TOGARAM2: variants seen among roughly 807,000 people sequenced by gnomAD.
The protein encoded by TOGARAM2 is TOG array regulator of axonemal microtubules protein 2.
In TOGARAM2, 85 loss-of-function variants were observed where a neutral mutation model predicts 93.3. The ratio of observed to expected loss-of-function variants is 0.91; its 90% CI spans 0.76 to 1.09. TOGARAM2 has a LOEUF of 1.09. Ranked by LOEUF, TOGARAM2 falls within the 50% of genes least tolerant of loss-of-function variation. The probability of loss-of-function intolerance (pLI) is 0.00; values close to 1 mark genes in which losing one functional copy is unlikely to be tolerated. For missense variants in TOGARAM2, 1,277 were observed against 1,334.5 expected (o/e 0.96, Z 0.67); for synonymous variants, 593 against 552.8 (o/e 1.07, Z -1.02).
At position 28,994,819 on chromosome 2, in the gene TOGARAM2, C is replaced by T. The variant is rs1672912459; in HGVS notation, c.-16C>T. 5 of 1,552,104 alleles carry T rather than the reference C, an allele frequency of 3.2e-6. No homozygotes were observed. Among genetic ancestry groups the T allele is most frequent in the Non-Finnish European group, 4.4e-6 (5 of 1,147,216 alleles). The stretch of plus-strand genomic sequence containing the variant: ...TGCCTCTGGGCAACCTTGTAGGCAC[C>T]TTCTCCACCCAGGACATGGGCACCC... On this transcript the variant is annotated 5_prime_UTR_variant, in exon 2 of 20. Coordinates refer to ENST00000379558, the MANE Select transcript of TOGARAM2 (RefSeq NM_199280.4).
intron 6 of TOGARAM2, among the ~76,000 whole-genome samples, chr2:29,009,947 A>G (rs1664124106): frequency 6.6e-6 from 1 of 151,642 alleles, no homozygotes; most frequent in African/African-American, 2.4e-5. Context: ...AGAGAAGGGG[A>G]GGGCAAGAGG....
chr2:28,990,996 GTGT>G (rs2148258579), intron 1 of TOGARAM2, among the ~76,000 whole-genome samples: 1 of 27,162 alleles, frequency 3.7e-5, no homozygotes, highest in Admixed American at 3.5e-4. Flanking sequence ...TGAAGGGTGT[GTGT>G]GTGTGTGTGT....
rs544444621 is a variant in TOGARAM2, at chr2:28,997,810, A to G, written c.29-333A>G. ...TTGGGGATGGGCACTCCATCGGTCA[A>G]TGATGTTGGGTGATGGAAGAGGGGT... On this transcript the variant is annotated intron_variant, in intron 2 of 19. Coordinates refer to ENST00000379558, the MANE Select transcript of TOGARAM2 (RefSeq NM_199280.4). 7.4e-4 allele frequency among the ~76,000 whole-genome samples: 112 copies of G among 152,246 alleles called. 1 individual carries two copies. Among genetic ancestry groups the G allele is most frequent in the African/African-American group, 2.2e-3 (90 of 41,534 alleles).
At chr2:28,983,347 T>C (rs934708333) in intron 1 of TOGARAM2, among the ~76,000 whole-genome samples, 1 of 151,586 alleles carries the variant, frequency 6.6e-6, no homozygotes, top group Non-Finnish European at 1.5e-5. Flanking sequence ...GCTGGGCCTA[T>C]GTATGCATTT....
intron 5 of TOGARAM2, 57 bp from the exon 6 acceptor site, chr2:29,003,435 A>G (rs1169167554): frequency 7.4e-7 from 1 of 1,359,568 alleles, no homozygotes; most frequent in African/African-American, 1.5e-5. Context: ...CCTGGAGGTG[A>G]GCATTCACCA....
chr2:28,963,205 T>C (rs1671822561), intron 1 of TOGARAM2, among the ~76,000 whole-genome samples: 1 of 152,204 alleles, frequency 6.6e-6, no homozygotes, highest in East Asian at 1.9e-4. Flanking sequence ...TCCTGGATTA[T>C]TTAAAAGTGT....
chr2:29,007,918 A>G (rs550423215), intron 6 of TOGARAM2, among the ~76,000 whole-genome samples: 1 of 151,604 alleles, frequency 6.6e-6, no homozygotes, highest in Admixed American at 6.6e-5. Flanking sequence ...TGCAACCCCA[A>G]CAGCCTCTCA....
Position 29,011,501 on chromosome 2 carries a change from GGTAC to G in TOGARAM2, c.877+4_877+7del. 2 of 1,604,490 alleles carry G rather than the reference GGTAC, an allele frequency of 1.2e-6. No homozygotes were observed. The highest frequency in any genetic ancestry group is 1.7e-6 in the Non-Finnish European group (2 of 1,176,606). The stretch of plus-strand genomic sequence containing the variant: ...TCGGGAGAAGACCCCTGCATCTCTG[GGTAC>G]GTATCTTCCATGCACACCTCCCTTT... On this transcript the variant is annotated splice_donor_variant and splice_donor_region_variant and intron_variant, in intron 7 of 19. Coordinates refer to ENST00000379558, the MANE Select transcript of TOGARAM2 (RefSeq NM_199280.4). LOFTEE classifies it high-confidence loss of function.
chr2:28,998,139 C>A lies in TOGARAM2; in HGVS notation c.29-4C>A, dbSNP rs1253543536. The A allele has an allele frequency of 1.3e-6, 2 of 1,595,584 alleles. No homozygotes were observed. Among genetic ancestry groups the A allele is most frequent in the Non-Finnish European group, 1.7e-6 (2 of 1,170,688 alleles). On this transcript the variant is annotated splice_polypyrimidine_tract_variant and splice_region_variant and intron_variant, in intron 2 of 19. Transcript: ENST00000379558. ...GTGCTGCTCTCCTGTGCTTCTGTCT[C>A]CAGCCAAGGTCCTGGTCCCCGTGGC...
chr2:28,984,362 G>C (rs1000794704), intron 1 of TOGARAM2, among the ~76,000 whole-genome samples: 1 of 152,182 alleles, frequency 6.6e-6, no homozygotes, highest in African/African-American at 2.4e-5. Context: ...TTTCTCATGG[G>C]CCATTGGGAA....
chr2:28,961,287 A>C (rs1671801721), intron 1 of TOGARAM2, among the ~76,000 whole-genome samples: 1 of 152,142 alleles, frequency 6.6e-6, no homozygotes, highest in Admixed American at 6.6e-5. Flanking sequence ...CCATCAGAGC[A>C]GTAGACAAAG....
intron 6 of TOGARAM2, among the ~76,000 whole-genome samples, chr2:29,010,832 G>A (rs1359246785): frequency 6.6e-6 from 1 of 152,168 alleles, no homozygotes; most frequent in Non-Finnish European, 1.5e-5. Flanking sequence ...AGTAAATGGT[G>A]CTTCCAACTT....
intron 1 of TOGARAM2, among the ~76,000 whole-genome samples, chr2:28,993,896 CA>C (rs1452620775): frequency 6.6e-6 from 1 of 152,210 alleles, no homozygotes. Context: ...GCCCTGTCCC[CA>C]GACGCTTTGT....
At chr2:29,017,687 TG>T in intron 9 of TOGARAM2, 104 bp from the exon 10 acceptor site, 2 of 1,157,042 alleles carry the variant, frequency 1.7e-6, no homozygotes, top group Non-Finnish European at 2.4e-6. Flanking sequence ...TTGGGGGTAC[TG>T]GCATGAGCTA....
At chr2:29,036,077 G>C (rs559081221) in intron 17 of TOGARAM2, among the ~76,000 whole-genome samples, 8 of 152,216 alleles carry the variant, frequency 5.3e-5, no homozygotes, top group African/African-American at 1.9e-4. Flanking sequence ...CCTGCTTCTT[G>C]GTGGACTGAG....
At chr2:28,971,818 G>A (rs566801058) in intron 1 of TOGARAM2, among the ~76,000 whole-genome samples, 8 of 152,240 alleles carry the variant, frequency 5.3e-5, no homozygotes, top group African/African-American at 1.4e-4. Context: ...TATTTGAATC[G>A]AATGATAAAT....
chr2:28,984,249 A>G (rs1672363443), intron 1 of TOGARAM2, among the ~76,000 whole-genome samples: 1 of 152,064 alleles, frequency 6.6e-6, no homozygotes, highest in Non-Finnish European at 1.5e-5. Flanking sequence ...GACAGAAAAA[A>G]AAATGTCCCT....
chr2:29,017,703 G>T, intron 9 of TOGARAM2, 89 bp from the exon 10 acceptor site: 1 of 1,313,484 alleles, frequency 7.6e-7, no homozygotes, highest in Non-Finnish European at 1.0e-6. Flanking sequence ...GAGCTACTTT[G>T]GCCAGCCATG....
chr2:28,975,732 C>G (rs1376621676), intron 1 of TOGARAM2, among the ~76,000 whole-genome samples: 1 of 151,960 alleles, frequency 6.6e-6, no homozygotes, highest in East Asian at 1.9e-4. Flanking sequence ...ATTCTAGGTC[C>G]TCTTCTGTCT....
Sources: allele counts gnomAD v4.1 joint callset (sites outside exome capture counted in the v4.1 genomes callset), GRCh38; gene constraint gnomAD v4.1.1; transcripts MANE v1.5; gene names NCBI Gene and HGNC (gene_info 2026-07-23, HGNC 2026-07-21).